CDH23: variants seen among roughly 807,000 people sequenced by gnomAD.
CDH23 encodes cadherin-23.
CDH23 carries 189 observed loss-of-function variants against 317.1 expected under a neutral mutation model. That is an observed-to-expected ratio of 0.60 (90% CI 0.53 to 0.67). The LOEUF is 0.67. CDH23 is among the 30% of genes least tolerant of loss of function. The probability of loss-of-function intolerance (pLI) is 0.00; values close to 1 mark genes in which losing one functional copy is unlikely to be tolerated. For missense variants in CDH23, 4,401 were observed against 4,592.4 expected (o/e 0.96, Z 1.20); for synonymous variants, 1,839 against 1,876.8 (o/e 0.98, Z 0.52).
intron 29 of CDH23, among the ~76,000 whole-genome samples, chr10:71,724,514 G>T (rs7909048): frequency 0.095 from 14,409 of 152,234 alleles, 1,685 homozygotes; most frequent in African/African-American, 0.26. Context: ...GTGTTAGCCA[G>T]GATGGCCTTG....
At chr10:71,440,235 C>T (rs550981573) in intron 2 of CDH23, among the ~76,000 whole-genome samples, 26 of 152,300 alleles carry the variant, frequency 1.7e-4, no homozygotes, top group Non-Finnish European at 2.8e-4. Flanking sequence ...TTCAGTTCCA[C>T]GGCTGTGTTC....
intron 38 of CDH23, chr10:71,760,523 G>T: frequency 4.7e-6 from 1 of 212,160 alleles, no homozygotes; most frequent in Non-Finnish European, 9.5e-6. Context: ...AGGACCCCCA[G>T]CCTTCCCAAG....
intron 2 of CDH23, among the ~76,000 whole-genome samples, chr10:71,440,265 CTG>C (rs1244948597): frequency 6.6e-6 from 1 of 152,192 alleles, no homozygotes; most frequent in East Asian, 1.9e-4. Flanking sequence ...ACTGTTTGCA[CTG>C]TGTGTGACCT....
At chr10:71,475,344 G>A (rs1851735378) in intron 3 of CDH23, among the ~76,000 whole-genome samples, 1 of 152,186 alleles carries the variant, frequency 6.6e-6, no homozygotes, top group South Asian at 2.1e-4. Context: ...AAAGCACTTG[G>A]GGGATGGTCT....
intron 1 of CDH23, among the ~76,000 whole-genome samples, chr10:71,432,202 G>A (rs535315803): frequency 2.6e-5 from 4 of 152,186 alleles, no homozygotes; most frequent in African/African-American, 4.8e-5. Flanking sequence ...AATTGTGTGT[G>A]TGTGAGTGTG....
At chr10:71,667,538 G>T (rs1371555345) in intron 14 of CDH23, among the ~76,000 whole-genome samples, 2 of 152,006 alleles carry the variant, frequency 1.3e-5, no homozygotes, top group Admixed American at 1.3e-4. Context: ...TGCCTGAGAT[G>T]CAGAGAGAGG....
chr10:71,732,802 T>G (rs74147049), intron 32 of CDH23: 20,456 of 794,760 alleles, frequency 0.026, 411 homozygotes, highest in East Asian at 0.091. Flanking sequence ...GAAGTGTGTG[T>G]GGGGTTTTCC....
chr10:71,492,748 G>A (rs560644940), intron 3 of CDH23, among the ~76,000 whole-genome samples: 5 of 152,336 alleles, frequency 3.3e-5, no homozygotes, highest in East Asian at 1.9e-4. Flanking sequence ...CCTTCAGGGC[G>A]CTCACAGTCA....
At chr10:71,460,180 C>A (rs1037445361) in intron 3 of CDH23, among the ~76,000 whole-genome samples, 1 of 152,252 alleles carries the variant, frequency 6.6e-6, no homozygotes, top group Admixed American at 6.5e-5. Flanking sequence ...ATGCTTTACT[C>A]TTCTTGGCAC....
intron 17 of CDH23, among the ~76,000 whole-genome samples, chr10:71,682,091 A>C (rs539612112): frequency 3.9e-5 from 6 of 152,292 alleles, no homozygotes; most frequent in African/African-American, 1.2e-4. Context: ...AGCACCTACT[A>C]AGAAAGAGCC....
intron 14 of CDH23, among the ~76,000 whole-genome samples, chr10:71,672,862 T>A (rs1277309093): frequency 6.6e-6 from 1 of 152,110 alleles, no homozygotes; most frequent in East Asian, 1.9e-4. Context: ...GGCACCCAGA[T>A]CTGAAGGGCT....
chr10:71,670,493 C>T (rs1474005991), intron 14 of CDH23, among the ~76,000 whole-genome samples: 3 of 152,190 alleles, frequency 2.0e-5, no homozygotes, highest in Non-Finnish European at 4.4e-5. Context: ...TGACGAGGGG[C>T]TCCCGGGTCA....
At chr10:71,694,735 C>T (rs1324837289) in intron 21 of CDH23, among the ~76,000 whole-genome samples, 3 of 152,100 alleles carry the variant, frequency 2.0e-5, no homozygotes, top group South Asian at 2.1e-4. Flanking sequence ...AATGAGCTCT[C>T]GGCTGCAGAA....
intron 38 of CDH23, chr10:71,749,278 G>A (rs1282694926): frequency 6.6e-6 from 1 of 152,304 alleles, no homozygotes; most frequent in Non-Finnish European, 1.5e-5. Context: ...CATGAATTGT[G>A]AAAAACATAC....
intron 21 of CDH23, among the ~76,000 whole-genome samples, chr10:71,694,483 G>A (rs1865302362): frequency 6.6e-6 from 1 of 152,136 alleles, no homozygotes; most frequent in African/African-American, 2.4e-5. Flanking sequence ...CTTGGGAGGA[G>A]CAAAATGAAA....
chr10:71,538,226 GT>G (rs1380281471), intron 6 of CDH23, among the ~76,000 whole-genome samples: 13 of 152,200 alleles, frequency 8.5e-5, no homozygotes, highest in Non-Finnish European at 4.4e-5. Flanking sequence ...TACACTAGGG[GT>G]TGACGAAAGC....
chr10:71,513,219 CT>C (rs1426626038), intron 6 of CDH23, among the ~76,000 whole-genome samples: 1 of 152,186 alleles, frequency 6.6e-6, no homozygotes, highest in South Asian at 2.1e-4. Flanking sequence ...CTGCTTGGGG[CT>C]GCTCAGTGTG....
intron 7 of CDH23, among the ~76,000 whole-genome samples, chr10:71,569,701 T>C (rs992303458): frequency 6.6e-6 from 1 of 152,212 alleles, no homozygotes; most frequent in African/African-American, 2.4e-5. Flanking sequence ...TCTGAGTCTC[T>C]GTTAACTCAT....
intron 3 of CDH23, among the ~76,000 whole-genome samples, chr10:71,494,967 G>A (rs1305812917): frequency 6.6e-6 from 1 of 152,124 alleles, no homozygotes; most frequent in Non-Finnish European, 1.5e-5. Context: ...AATGGAGAAT[G>A]AGCCCAGTGA....
Sources: gnomAD v4.1 joint callset for allele counts (sites outside exome capture counted in the v4.1 genomes callset) on GRCh38, gnomAD v4.1.1 for gene constraint, MANE v1.5 for transcripts, NCBI Gene and HGNC (gene_info 2026-07-23, HGNC 2026-07-21) for gene names.